The following ERI3 variants were observed in gnomAD, a reference collection of about 807,000 sequenced individuals.
ERI3 encodes ERI1 exoribonuclease family member 3.
ERI3 carries 18 observed loss-of-function variants against 44.4 expected under a neutral mutation model. That is an observed-to-expected ratio of 0.41 (90% CI 0.28 to 0.60). ERI3 has a LOEUF of 0.60. Among genes scored for constraint, ERI3 ranks in the 20% least tolerant of loss-of-function variants. ERI3 has a pLI of 0.36. For missense variants in ERI3, 294 were observed against 435.5 expected (o/e 0.68, Z 2.89); for synonymous variants, 183 against 164.8 (o/e 1.11, Z -0.84).
chr1:44,310,963 G>GCGCGCGCGCGCGCGCGCGCA (rs1373873768), intron 5 of ERI3, among the ~76,000 whole-genome samples: 7 of 123,202 alleles, frequency 5.7e-5, no homozygotes, highest in Admixed American at 1.6e-4. Context: ...GCGCGCGCGC[G>GCGCGCGCGCGCGCGCGCGCA]CACACACACA....
chr1:44,244,327 T>C (rs1644506466), intron 8 of ERI3: 1 of 153,160 alleles, frequency 6.5e-6, no homozygotes, highest in African/African-American at 2.4e-5. Context: ...CTCCCCTGAC[T>C]ATGATGTCAC....
At chr1:44,301,181 G>A (rs1349707828) in intron 6 of ERI3, among the ~76,000 whole-genome samples, 1 of 152,170 alleles carries the variant, frequency 6.6e-6, no homozygotes, top group Non-Finnish European at 1.5e-5. Context: ...CACCTCTGCT[G>A]ACAGAGGGCT....
chr1:44,234,665 C>T (rs1414195986), intron 8 of ERI3, among the ~76,000 whole-genome samples: 1 of 151,976 alleles, frequency 6.6e-6, no homozygotes, highest in Non-Finnish European at 1.5e-5. Flanking sequence ...TCTCAAAAAA[C>T]AGCAACAGCA....
chr1:44,255,264 T>C (rs1644757879), intron 7 of ERI3, among the ~76,000 whole-genome samples: 1 of 152,254 alleles, frequency 6.6e-6, no homozygotes, highest in Non-Finnish European at 1.5e-5. Context: ...CCCTGCAGTC[T>C]GGTCAAGCTG....
At chr1:44,263,563 C>T (rs1644933499) in intron 7 of ERI3, among the ~76,000 whole-genome samples, 1 of 152,206 alleles carries the variant, frequency 6.6e-6, no homozygotes, top group Admixed American at 6.5e-5. Flanking sequence ...CAGGCCCAGA[C>T]ACCCTCAGCT....
rs7525929 is a variant in ERI3 at position 44,235,605 on chromosome 1, C to G, written c.931+12334G>C. 0.25 allele frequency among the ~76,000 whole-genome samples: 37,338 copies of G among 152,124 alleles called. 4,655 individuals are homozygous for G. Among genetic ancestry groups the G allele is most frequent in the Non-Finnish European group, 0.26 (17,561 of 67,980 alleles). ...GATCACACGCAAACCTACTCCAGCC[C>G]TGACATTTGCCACCCAAAGCCTTGA... On this transcript the variant is annotated intron_variant, in intron 8 of 8. Coordinates refer to ENST00000372257, the MANE Select transcript of ERI3 (RefSeq NM_024066.3). The surrounding 1 kb of genome is among the most constrained non-coding windows in gnomAD (Gnocchi z 4.6).
chr1:44,319,515 T>C (rs1646156929), intron 4 of ERI3, 113 bp downstream of exon 4: 1 of 705,470 alleles, frequency 1.4e-6, no homozygotes, highest in Admixed American at 2.4e-5. Context: ...TAGTGTGCAC[T>C]TGCCTTAAGG....
intron 7 of ERI3, among the ~76,000 whole-genome samples, chr1:44,250,169 G>A (rs931730704): frequency 1.1e-4 from 16 of 152,242 alleles, no homozygotes; most frequent in African/African-American, 3.6e-4. Context: ...AGGTGATCCT[G>A]CTTTATCCCA....
At chr1:44,233,602 C>A (rs1260273891) in intron 8 of ERI3, among the ~76,000 whole-genome samples, 1 of 152,106 alleles carries the variant, frequency 6.6e-6, no homozygotes, top group Non-Finnish European at 1.5e-5. Flanking sequence ...GCCCATCCCT[C>A]CACTCCAGCT....
At chr1:44,246,988 G>C (rs1644567812) in intron 8 of ERI3, among the ~76,000 whole-genome samples, 1 of 152,098 alleles carries the variant, frequency 6.6e-6, no homozygotes, top group South Asian at 2.1e-4. Flanking sequence ...TTGGAACAAG[G>C]CCTATGCTTG....
chr1:44,277,704 T>C (rs958499291), intron 7 of ERI3, among the ~76,000 whole-genome samples: 3 of 152,236 alleles, frequency 2.0e-5, no homozygotes, highest in Non-Finnish European at 4.4e-5. Context: ...TCTTACAGTC[T>C]TTCTTCTTCT....
chr1:44,250,062 T>C (rs759816292), intron 7 of ERI3, among the ~76,000 whole-genome samples: 7 of 152,198 alleles, frequency 4.6e-5, no homozygotes, highest in South Asian at 2.1e-4. Context: ...GGGGAGAAGA[T>C]TGCAGTAACT....
At chr1:44,288,846 GA>G (rs550375544) in intron 6 of ERI3, among the ~76,000 whole-genome samples, 126 of 140,952 alleles carry the variant, frequency 8.9e-4, no homozygotes, top group East Asian at 8.9e-3. Flanking sequence ...CAATTTCTCA[GA>G]AAAAAAAAAA....
chr1:44,273,092 C>A (rs528181514), intron 7 of ERI3, among the ~76,000 whole-genome samples: 1 of 152,268 alleles, frequency 6.6e-6, no homozygotes, highest in South Asian at 2.1e-4. Context: ...GTACCTTTCC[C>A]AAGGTACTGT....
chr1:44,231,554 A>C (rs1293718982), intron 8 of ERI3, among the ~76,000 whole-genome samples: 4 of 151,952 alleles, frequency 2.6e-5, no homozygotes, highest in Admixed American at 6.6e-5. Context: ...GTGTGTGTAC[A>C]TATGGGGTCT....
intron 7 of ERI3, among the ~76,000 whole-genome samples, chr1:44,255,778 G>A (rs1047973975): frequency 5.3e-5 from 8 of 152,158 alleles, no homozygotes; most frequent in Non-Finnish European, 1.5e-5. Flanking sequence ...CCAGAAATGT[G>A]GGAGTCAATC....
At chr1:44,338,690 T>C (rs951438769) in intron 3 of ERI3, among the ~76,000 whole-genome samples, 7 of 152,150 alleles carry the variant, frequency 4.6e-5, no homozygotes, top group South Asian at 4.1e-4. Flanking sequence ...TTAAGAATCA[T>C]TGAGGTCATC....
intron 6 of ERI3, among the ~76,000 whole-genome samples, chr1:44,307,432 C>G (rs1298231239): frequency 1.3e-5 from 2 of 152,132 alleles, no homozygotes; most frequent in Admixed American, 6.6e-5. Flanking sequence ...CACACACACA[C>G]AGAGACACAC....
intron 7 of ERI3, among the ~76,000 whole-genome samples, chr1:44,264,929 T>C (rs981114260): frequency 1.3e-5 from 2 of 152,246 alleles, no homozygotes; most frequent in African/African-American, 4.8e-5. Context: ...CTACTGGTTC[T>C]AGAAATTCCT....
Sources: allele counts gnomAD v4.1 joint callset (sites outside exome capture counted in the v4.1 genomes callset), GRCh38; gene constraint gnomAD v4.1.1; non-coding constraint Gnocchi (gnomAD v3.1); transcripts MANE v1.5; gene names NCBI Gene and HGNC (gene_info 2026-07-23, HGNC 2026-07-21).